Variants in GTPBP6 observed in about 807,000 individuals in gnomAD.
GTPBP6 encodes the protein putative GTP-binding protein 6.
GTPBP6 carries 33 observed loss-of-function variants against 28.9 expected under a neutral mutation model. That is an observed-to-expected ratio of 1.14 (90% CI 0.87 to 1.53). GTPBP6 has a LOEUF of 1.53. Among genes scored for constraint, GTPBP6 ranks in the 40% most tolerant of loss-of-function variants. The pLI is 0.00. For missense variants in GTPBP6, 507 were observed against 408.3 expected (o/e 1.24, Z -2.08); for synonymous variants, 231 against 192.7 (o/e 1.20, Z -1.65).
chrX:314,198 C>A (rs374729854), exon 5 of GTPBP6: 27 of 1,613,322 alleles, frequency 1.7e-5, no homozygotes, highest in Non-Finnish European at 2.2e-5. Context: ...AGGTGGGCGA[C>A]GTCCCTTTTC....
chrX:314,130 C>T lies in GTPBP6; in HGVS notation c.757+20G>A, dbSNP rs1347574859. On this transcript the variant is annotated intron_variant, in intron 5 of 9. Transcript: ENST00000326153. ...CGCATTCCGAGGACCCTCTGGGACG[C>T]CGCGCCCGGCCCGAGTTACCTGACC... 1.2e-6 allele frequency: 2 copies of T among 1,602,958 alleles called. No individual in the cohort carries two copies. Among genetic ancestry groups the T allele is most frequent in the Non-Finnish European group, 1.7e-6 (2 of 1,171,272 alleles).
intron 7 of GTPBP6, among the ~76,000 whole-genome samples, chrX:309,437 A>C (rs1296926271): frequency 6.6e-6 from 1 of 151,724 alleles, no homozygotes; most frequent in Non-Finnish European, 1.5e-5. Context: ...GTGGGCCTTA[A>C]ATCCAACGAC....
intron 9 of GTPBP6, 43 bp from the exon 10 acceptor site, chrX:305,240 AAGTATTTGCTT>A (rs1368350831): frequency 7.1e-7 from 1 of 1,413,782 alleles, no homozygotes; most frequent in Non-Finnish European, 1.0e-6. Flanking sequence ...CAGAACCCGT[AAGTATTTGCTT>A]AGTTTCATGA....
exon 10 of GTPBP6, chrX:305,178 T>C (rs1239936789): frequency 1.2e-6 from 2 of 1,613,554 alleles, no homozygotes; most frequent in Non-Finnish European, 1.7e-6. Flanking sequence ...TCCTGAACTG[T>C]GGCCTCCTTA....
At chrX:307,775 C>A in exon 8 of GTPBP6, 1 of 1,534,874 alleles carries the variant, frequency 6.5e-7, no homozygotes, top group Non-Finnish European at 8.8e-7. Flanking sequence ...ACCATGGAGT[C>A]CAGGAGCGGG....
At chrX:313,390 C>G (rs1258674246) in intron 5 of GTPBP6, among the ~76,000 whole-genome samples, 1 of 151,982 alleles carries the variant, frequency 6.6e-6, no homozygotes, top group Non-Finnish European at 1.5e-5. Flanking sequence ...AAGCAGAGAC[C>G]GGAGTGACGA....
intron 8 of GTPBP6, 32 bp downstream of exon 8, chrX:307,700 G>GA (rs2124447717): frequency 6.8e-7 from 1 of 1,460,404 alleles, no homozygotes; most frequent in African/African-American, 1.4e-5. Flanking sequence ...GCAGGGGAAG[G>GA]AGACGCTTGC....
At chrX:309,352 C>A (rs2070237562) in intron 7 of GTPBP6, among the ~76,000 whole-genome samples, 1 of 152,156 alleles carries the variant, frequency 6.6e-6, no homozygotes, top group African/African-American at 2.4e-5. Context: ...CACCAGCAGC[C>A]TCAGAATGGG....
At chrX:313,696 G>A (rs9646387) in intron 5 of GTPBP6, among the ~76,000 whole-genome samples, 5,936 of 151,806 alleles carry the variant, frequency 0.039, 365 homozygotes, top group African/African-American at 0.14. Flanking sequence ...CACAGAGGAG[G>A]AGGCCACGTG....
chrX:313,918 A>G (rs895790480), intron 5 of GTPBP6, among the ~76,000 whole-genome samples: 2 of 119,664 alleles, frequency 1.7e-5, no homozygotes, highest in African/African-American at 6.1e-5. Flanking sequence ...ACCTCCAAAA[A>G]CCACCAGCAT....
chrX:310,422 G>A (rs1272027716), intron 7 of GTPBP6, among the ~76,000 whole-genome samples: 1 of 125,678 alleles, frequency 8.0e-6, no homozygotes, highest in East Asian at 2.2e-4. Context: ...GAAGGAACTG[G>A]ATCCAACTGA....
In GTPBP6 at chrX:310,694, C is replaced by T. The variant is rs185944421; in HGVS notation, c.1125+725G>A. Among the ~76,000 whole-genome samples the T allele has an allele frequency of 7.9e-3, 1,198 of 151,982 alleles. 3 individuals carry two copies. Among genetic ancestry groups the T allele is most frequent in the East Asian group, 0.035 (179 of 5,172 alleles). On this transcript the variant is annotated intron_variant, in intron 7 of 9. Transcript: ENST00000326153. ...AGTGATGCGGCCTCAAGCCCAGGGA[C>T]GCCTGGAGCCCCCAGGAGCTGGGAG...
At chrX:313,066 C>A (rs1351917984) in intron 5 of GTPBP6, 142 bp from the exon 6 acceptor site, 2 of 665,224 alleles carry the variant, frequency 3.0e-6, no homozygotes, top group African/African-American at 3.6e-5. Context: ...CCAGCAGCGG[C>A]CCCGACACGT....
exon 6 of GTPBP6, chrX:312,837 C>T: frequency 5.0e-6 from 8 of 1,612,884 alleles, no homozygotes; most frequent in Non-Finnish European, 6.8e-6. Flanking sequence ...GAGCAGGTGC[C>T]TCTTCTTGCG....
intron 2 of GTPBP6, among the ~76,000 whole-genome samples, chrX:315,671 G>A (rs1215748911): frequency 1.0e-5 from 1 of 99,650 alleles, no homozygotes; most frequent in Non-Finnish European, 2.0e-5. Flanking sequence ...CATCCCGGCA[G>A]GGACACAAAC....
intron 1 of GTPBP6, among the ~76,000 whole-genome samples, chrX:317,923 CTA>C (rs1491107096): frequency 6.7e-6 from 1 of 148,902 alleles, no homozygotes; most frequent in African/African-American, 2.5e-5. Context: ...GCACCTCCAC[CTA>C]TGAGATCCTC....
chrX:306,082 G>T (rs2070156127), intron 9 of GTPBP6, among the ~76,000 whole-genome samples: 1 of 152,210 alleles, frequency 6.6e-6, no homozygotes, highest in Non-Finnish European at 1.5e-5. Flanking sequence ...CTTTCTTATT[G>T]GTAGGGAGAC....
chrX:313,266 G>A (rs995957907), intron 5 of GTPBP6, among the ~76,000 whole-genome samples: 10 of 152,214 alleles, frequency 6.6e-5, no homozygotes, highest in African/African-American at 1.4e-4. Flanking sequence ...TTTCACATCC[G>A]AAGTCCCAGA....
At chrX:313,707 G>A (rs1050139751) in intron 5 of GTPBP6, among the ~76,000 whole-genome samples, 11 of 150,546 alleles carry the variant, frequency 7.3e-5, no homozygotes, top group Non-Finnish European at 1.3e-4. Flanking sequence ...AGGCCACGTG[G>A]AGACGGAGGC....
Sources: allele counts gnomAD v4.1 joint callset (sites outside exome capture counted in the v4.1 genomes callset), GRCh38; gene constraint gnomAD v4.1.1; transcripts MANE v1.5; gene names NCBI Gene and HGNC (gene_info 2026-07-23, HGNC 2026-07-21).